The following PLEKHO1 variants were observed in gnomAD, a reference collection of about 807,000 sequenced individuals.
The protein encoded by PLEKHO1 is pleckstrin homology domain-containing family O member 1.
In PLEKHO1, 22 loss-of-function variants were observed where a neutral mutation model predicts 41.4. The ratio of observed to expected loss-of-function variants is 0.53; its 90% CI spans 0.38 to 0.76. The LOEUF is 0.76. Among genes scored for constraint, PLEKHO1 ranks in the 30% least tolerant of loss-of-function variants. PLEKHO1 has a pLI of 0.00. For missense variants in PLEKHO1, 488 were observed against 518.3 expected, an observed-to-expected ratio of 0.94 and a Z score of 0.57; for synonymous variants, 225 against 210.8, an observed-to-expected ratio of 1.07 and a Z score of -0.58.
chr1:150,154,249 A>T (rs898221956), intron 2 of PLEKHO1: 1 of 152,338 alleles, frequency 6.6e-6, no homozygotes, highest in Non-Finnish European at 1.5e-5. Context: ...AGGAGGGATG[A>T]TGCATCATCT....
At position 150,159,514 on chromosome 1, in the gene PLEKHO1, C is replaced by CCTG; in HGVS notation, c.1222_1224dup (p.Leu408dup). ...CCCCGCACAGTCAGTACCGGAAGAGCCTGATGTGAGGGCAGGGTGGGGTCT... is the reference window on the plus strand; with the variant it reads ...CCCCGCACAGTCAGTACCGGAAGAGCCTGCTGATGTGAGGGCAGGGTGGGGTCT... On this transcript the variant is annotated inframe_insertion, in exon 6 of 6. Transcript: ENST00000369124. The CCTG allele has an allele frequency of 6.9e-6, 11 of 1,593,596 alleles. No individual in the cohort carries two copies. The highest frequency in any genetic ancestry group is 9.4e-6 in the Non-Finnish European group (11 of 1,165,830).
rs1257906586 is a variant in PLEKHO1, at chr1:150,150,004, G to C, written c.-254G>C. ...CGGGGACCCGGGCCGCGTGGGCGCC[G>C]GGATGGAGGGCGCCAAGGGGCGGGG... On this transcript the variant is annotated 5_prime_UTR_variant, in exon 1 of 6. Transcript: ENST00000369124. The C allele has an allele frequency of 6.5e-6, 1 of 153,502 alleles. No individual in the cohort carries two copies. The highest frequency in any genetic ancestry group is 1.4e-5 in the Non-Finnish European group (1 of 69,836). The allele number at this position is 153,502 out of a possible 1,614,324, so 9.5% of individuals were successfully genotyped here. A position where few individuals can be genotyped will look rare whatever the true frequency, so the allele number is the denominator to read the frequency against.
At chr1:150,158,620 C>T (rs1201021103) in intron 5 of PLEKHO1, among the ~76,000 whole-genome samples, 199 bp from the exon 6 acceptor site, 2 of 152,008 alleles carry the variant, frequency 1.3e-5, no homozygotes, top group African/African-American at 4.8e-5. Flanking sequence ...ACCCGGGAGG[C>T]GGAGCTTGCA....
chr1:150,153,688 C>T (rs1208781869), intron 2 of PLEKHO1: 2 of 152,154 alleles, frequency 1.3e-5, no homozygotes, highest in African/African-American at 4.8e-5. Context: ...CAAAGGGCAT[C>T]CTCTCTCAAA....
At chr1:150,151,804 G>A (rs1553819097) in intron 2 of PLEKHO1, among the ~76,000 whole-genome samples, 1 of 152,220 alleles carries the variant, frequency 6.6e-6, no homozygotes, top group Non-Finnish European at 1.5e-5. Flanking sequence ...CAAGACCTGA[G>A]CTATGATAAT....
In PLEKHO1 at chr1:150,150,238, C is replaced by A; in HGVS notation, c.-20C>A. ...GGGGCCGCCCCTCGGCTCGCCGCCCCGCGCCCGCGCCCGCTGGGAATGATG... is the reference window on the plus strand; with the variant it reads ...GGGGCCGCCCCTCGGCTCGCCGCCCAGCGCCCGCGCCCGCTGGGAATGATG... On this transcript the variant is annotated 5_prime_UTR_variant, in exon 1 of 6. Coordinates refer to ENST00000369124, the MANE Select transcript of PLEKHO1 (RefSeq NM_016274.6). The A allele has an allele frequency of 9.4e-7, 1 of 1,067,492 alleles. No homozygotes were observed. The allele number at this position is 1,067,492 out of a possible 1,614,324, so 66.1% of individuals were successfully genotyped here.
chr1:150,159,118 C>T lies in PLEKHO1; in HGVS notation c.825C>T (p.Ile275=), dbSNP rs1559964019. ...EKGRCASLEE[I]LSQRDAASAR... ...GCCGCTGCGCCTCCCTGGAGGAGAT[C>T]CTATCTCAGCGGGATGCTGCCTCTG... Residue 275 remains isoleucine, a synonymous_variant, in exon 6 of 6, where the codon ATC becomes ATT. Transcript: ENST00000369124. The T allele has an allele frequency of 1.2e-6, 2 of 1,613,006 alleles. No individual in the cohort carries two copies. The highest frequency in any genetic ancestry group is 3.3e-4 in the Middle Eastern group (2 of 6,050).
chr1:150,155,593 AC>A (rs1248036680), intron 2 of PLEKHO1: 2 of 153,030 alleles, frequency 1.3e-5, no homozygotes, highest in African/African-American at 4.8e-5. Context: ...GAGGCCAGAG[AC>A]CGCCCCTCGT....
At chr1:150,150,465 G>T (rs111615125) in intron 1 of PLEKHO1, 178 bp downstream of exon 1, 301 of 172,444 alleles carry the variant, frequency 1.7e-3, no homozygotes, top group Non-Finnish European at 2.7e-3. Flanking sequence ...TTGTTTACTC[G>T]CCTCGGGGGG....
intron 5 of PLEKHO1, among the ~76,000 whole-genome samples, chr1:150,158,456 C>T (rs1485170171): frequency 2.6e-5 from 4 of 151,880 alleles, no homozygotes; most frequent in Admixed American, 1.3e-4. Context: ...GAGGCTGAGA[C>T]GGTGTATCAC....
chr1:150,151,057 A>G lies in PLEKHO1; in HGVS notation c.176A>G (p.Glu59Gly). ...GACCAGCTCTACATCTCTGAGAAGG[A>G]GGTGGGTGCCTCTTGCCTCTAACTC... is the stretch of plus-strand genomic sequence containing the variant. ...KGDQLYISEK[E>G]VKDEKNIQEV... The change falls in exon 2 of 6, where the codon GAG (glutamate) becomes GGG (glycine). Residue 59 changes from glutamate to glycine, a missense_variant and splice_region_variant. Physicochemically the swap from Glu to Gly is moderately conservative, Grantham distance 98. Around this residue, in one of 3 missense-constraint regions of PLEKHO1, gnomAD observed 92 missense variants for 82.3 expected, o/e 1.12. Coordinates refer to ENST00000369124, the MANE Select transcript of PLEKHO1 (RefSeq NM_016274.6). The G allele has an allele frequency of 6.2e-7, 1 of 1,613,964 alleles. No individual in the cohort carries two copies. The highest frequency in any genetic ancestry group is 8.5e-7 in the Non-Finnish European group (1 of 1,179,878).
intron 2 of PLEKHO1, among the ~76,000 whole-genome samples, chr1:150,151,864 G>A (rs943245090): frequency 6.6e-6 from 1 of 152,102 alleles, no homozygotes; most frequent in South Asian, 2.1e-4. Context: ...GATCAATAAC[G>A]TGTACTAATG....
chr1:150,153,980 G>A (rs1660064300), intron 2 of PLEKHO1: 2 of 151,968 alleles, frequency 1.3e-5, no homozygotes, highest in South Asian at 4.2e-4. Context: ...CCAGGCACTG[G>A]AATATACTTG....
In PLEKHO1 at chr1:150,157,031, G is replaced by C; in HGVS notation, c.423+16G>C. The stretch of plus-strand genomic sequence containing the variant: ...CTTGGATGAGGTCAGGGGGCTCACT[G>C]TGGGGAGAGGGAGGAACGCTGGGGC... On this transcript the variant is annotated intron_variant, in intron 4 of 5. Coordinates refer to ENST00000369124, the MANE Select transcript of PLEKHO1 (RefSeq NM_016274.6). 6.7e-7 allele frequency: 1 copy of C among 1,503,266 alleles called. No homozygotes were observed. The highest frequency in any genetic ancestry group is 9.3e-7 in the Non-Finnish European group (1 of 1,078,736). 93.1% of individuals were successfully genotyped at this position (1,503,266 alleles called of 1,614,324 possible).
intron 1 of PLEKHO1, 56 bp downstream of exon 1, chr1:150,150,343 C>G (rs1471581302): frequency 1.1e-6 from 1 of 893,796 alleles, no homozygotes; most frequent in East Asian, 1.1e-4. Flanking sequence ...TGACGACCCC[C>G]GCTCCGTCGG....
intron 2 of PLEKHO1, chr1:150,154,133 TAGTA>T (rs1268336598): frequency 1.4e-5 from 2 of 142,220 alleles, no homozygotes; most frequent in Middle Eastern, 3.6e-3. Flanking sequence ...AAGGAAAACA[TAGTA>T]AGTTAACTCT....
intron 2 of PLEKHO1, among the ~76,000 whole-genome samples, chr1:150,152,134 T>A (rs943423923): frequency 2.0e-5 from 3 of 152,170 alleles, no homozygotes; most frequent in African/African-American, 7.2e-5. Flanking sequence ...ATAAAACCTT[T>A]TATGGTATTG....
rs1310758480 is a variant in PLEKHO1, at chr1:150,149,980, G to C, written c.-278G>C. ...GCGGGCGGGTGGCGGGGGTGCGCTC[G>C]GGGACCCGGGCCGCGTGGGCGCCGG... On this transcript the variant is annotated 5_prime_UTR_variant, in exon 1 of 6. Coordinates refer to ENST00000369124, the MANE Select transcript of PLEKHO1 (RefSeq NM_016274.6). 1 of 152,178 alleles carries C rather than the reference G, an allele frequency of 6.6e-6. No homozygotes were observed. Among genetic ancestry groups the C allele is most frequent in the Non-Finnish European group, 1.5e-5 (1 of 68,836 alleles). The allele number at this position is 152,178 out of a possible 1,614,324, so 9.4% of individuals were successfully genotyped here.
intron 1 of PLEKHO1, 31 bp downstream of exon 1, chr1:150,150,318 GCCGCCT>G (rs781958149): frequency 1.9e-6 from 2 of 1,037,378 alleles, no homozygotes; most frequent in Non-Finnish European, 2.3e-6. Context: ...TGCGGCCGCC[GCCGCCT>G]CCGCGCTCTG....
Sources: allele counts gnomAD v4.1 joint callset (sites outside exome capture counted in the v4.1 genomes callset), GRCh38; gene constraint gnomAD v4.1.1; regional missense constraint gnomAD v4.1.1; transcripts MANE v1.5; gene names NCBI Gene and HGNC (gene_info 2026-07-23, HGNC 2026-07-21).